The following GPC3 variants were observed in gnomAD, a reference collection of about 807,000 sequenced individuals.
GPC3 encodes the protein glypican-3.
A neutral mutation model predicts 34.4 loss-of-function variants in GPC3; 3 were observed. The observed-to-expected ratio is 0.09, with a 90% CI of 0.04 to 0.23. The LOEUF (loss-of-function observed/expected upper bound fraction) is 0.23. Among genes scored for constraint, GPC3 ranks in the 10% least tolerant of loss-of-function variants. The pLI is 1.00. For synonymous variants in GPC3, 177 were observed against 174.0 expected (o/e 1.02, Z -0.13); for missense variants, 351 against 445.6 (o/e 0.79, Z 1.91).
At chrX:133,955,459 C>G (rs2076412524) in intron 1 of GPC3, among the ~76,000 whole-genome samples, 1 of 111,103 alleles carries the variant, frequency 9.0e-6, no homozygotes, top group South Asian at 3.9e-4. Flanking sequence ...AAGTGTTTTC[C>G]CCCAATAAAT....
chrX:133,649,356 T>C (rs894040082), intron 6 of GPC3, among the ~76,000 whole-genome samples: 3 of 110,744 alleles, frequency 2.7e-5, no homozygotes, highest in Middle Eastern at 4.3e-3. Flanking sequence ...GAAGTAATCA[T>C]GCTTTAAGTG....
At chrX:133,625,189 G>A (rs187574338) in intron 6 of GPC3, among the ~76,000 whole-genome samples, 1,455 of 111,294 alleles carry the variant, frequency 0.013, 31 homozygotes, top group African/African-American at 0.044. Flanking sequence ...GCTATTGATG[G>A]CAAACCCACA....
chrX:133,642,032 A>ACCCCCCCCCCCCCCCGC (rs1308468443), intron 6 of GPC3, among the ~76,000 whole-genome samples: 1 of 107,435 alleles, frequency 9.3e-6, no homozygotes, highest in African/African-American at 3.4e-5. Flanking sequence ...TTCCCACTGC[A>ACCCCCCCCCCCCCCCGC]CCCCCACCCA....
intron 6 of GPC3, among the ~76,000 whole-genome samples, chrX:133,611,894 T>C (rs1333299939): frequency 8.9e-6 from 1 of 112,100 alleles, no homozygotes; most frequent in African/African-American, 3.3e-5. Flanking sequence ...TATGTAGTGA[T>C]ACCACAAGTT....
At position 133,666,716 on chromosome X, in the gene GPC3, A is replaced by G. The variant is rs775073966; in HGVS notation, c.1293-4866T>C. ...AATACTATGAGCACATTAATAGGGC[A>G]AAGTAGATCTGTATGTGTTGATATG... is the stretch of plus-strand genomic sequence containing the variant. On this transcript the variant is annotated intron_variant, in intron 5 of 7. Transcript: ENST00000370818. 3.6e-5 allele frequency among the ~76,000 whole-genome samples: 4 copies of G among 112,472 alleles called. No individual in the cohort carries two copies. In the South Asian group the frequency reaches 1.5e-3, roughly 42 times the overall value.
In GPC3 at chrX:133,602,623, G is replaced by A. The variant is rs184678233; in HGVS notation, c.1414-6024C>T. ...TTGGGGACCACTGTTCTATACTACT[G>A]TAGGATGAATATGGTTAATAATAAT... On this transcript the variant is annotated intron_variant, in intron 6 of 7. Coordinates refer to ENST00000370818, the MANE Select transcript of GPC3 (RefSeq NM_004484.4). 7.2e-5 allele frequency among the ~76,000 whole-genome samples: 8 copies of A among 111,643 alleles called. No homozygotes were observed. The East Asian group carries it at 2.3e-3, about 31-fold the overall frequency.
rs1451331248 is a variant in GPC3 at position 133,596,561 on chromosome X, C to T, written c.1452G>A (p.Leu484=). Residue 484 remains leucine, a synonymous_variant, in exon 7 of 8, where the codon CTG becomes CTA. Coordinates refer to ENST00000370818, the MANE Select transcript of GPC3 (RefSeq NM_004484.4). ...ACCCTTCCTCATCCAGGTTTTTATC[C>T]AGAACTCTACCTTTGGGCATAGACA... ...RTMSMPKGRV[L]DKNLDEEGFE... 2 of 1,210,631 alleles carry T rather than the reference C, an allele frequency of 1.7e-6. No individual in the cohort carries two copies. Among genetic ancestry groups the T allele is most frequent in the Admixed American group, 4.4e-5 (2 of 45,973 alleles).
At chrX:133,887,567 T>G (rs1297098304) in intron 2 of GPC3, among the ~76,000 whole-genome samples, 6 of 112,215 alleles carry the variant, frequency 5.3e-5, no homozygotes, top group Admixed American at 9.5e-5. Context: ...TCATATACTC[T>G]GGATATTAAA....
chrX:133,895,107 T>C (rs1290586014), intron 2 of GPC3, among the ~76,000 whole-genome samples: 2 of 111,877 alleles, frequency 1.8e-5, no homozygotes, highest in Non-Finnish European at 3.8e-5. Context: ...TCCCTATAGG[T>C]CTATTCCAGG....
rs144769535 is a variant in GPC3 at position 133,586,204 on chromosome X, T to C, written c.1573+10236A>G. Among the ~76,000 whole-genome samples the C allele has an allele frequency of 5.1e-3, 574 of 111,850 alleles. 4 individuals are homozygous for C. Among genetic ancestry groups the C allele is most frequent in the African/African-American group, 0.017 (536 of 30,769 alleles). ...TTCTCATCTATCACCAGATTACCTA[T>C]AGTAATTCCCTAGCCAACATTAAAG... On this transcript the variant is annotated intron_variant, in intron 7 of 7. Coordinates refer to ENST00000370818, the MANE Select transcript of GPC3 (RefSeq NM_004484.4).
intron 2 of GPC3, among the ~76,000 whole-genome samples, chrX:133,847,063 C>T (rs2075849973): frequency 9.0e-6 from 1 of 111,473 alleles, no homozygotes; most frequent in African/African-American, 3.3e-5. Flanking sequence ...GTGGATTTAT[C>T]CAATCAAATT....
intron 6 of GPC3, among the ~76,000 whole-genome samples, chrX:133,644,288 T>G (rs899014466): frequency 5.4e-5 from 6 of 111,599 alleles, no homozygotes; most frequent in Non-Finnish European, 9.4e-5. Flanking sequence ...CTAATGGCTC[T>G]CATTTCTTCA....
intron 6 of GPC3, among the ~76,000 whole-genome samples, chrX:133,620,272 C>T (rs2124357126): frequency 9.2e-6 from 1 of 109,093 alleles, no homozygotes; most frequent in East Asian, 2.9e-4. Flanking sequence ...CTTGGTATCC[C>T]CTCCTGTGAA....
chrX:133,611,618 C>T (rs950235209), intron 6 of GPC3, among the ~76,000 whole-genome samples: 1 of 111,906 alleles, frequency 8.9e-6, no homozygotes, highest in African/African-American at 3.2e-5. Context: ...TTTTGTTTCC[C>T]AGTCTCTTAT....
intron 2 of GPC3, among the ~76,000 whole-genome samples, chrX:133,856,826 T>A (rs2095277349): frequency 8.9e-6 from 1 of 112,078 alleles, no homozygotes; most frequent in African/African-American, 3.2e-5. Context: ...TAAATGAGTC[T>A]GTTGTACTGC....
chrX:133,903,532 T>C (rs1215505167), intron 2 of GPC3, among the ~76,000 whole-genome samples: 1 of 111,990 alleles, frequency 8.9e-6, no homozygotes, highest in Non-Finnish European at 1.9e-5. Flanking sequence ...GAAGTGGCAG[T>C]CAGCCAAGAC....
chrX:133,661,594 CTCTCTCTCTCTCTCTCTCTCTCTCT>C (rs2070720999), intron 6 of GPC3, 111 bp downstream of exon 6: 1 of 22,392 alleles, frequency 4.5e-5, no homozygotes, highest in African/African-American at 2.7e-4. Context: ...CTCTCTCTCT[CTCTCTCTCTCTCTCTCTCTCTCTCT>C]CTCTCTCTCT....
At chrX:133,749,801 T>A (rs779345243) in intron 3 of GPC3, among the ~76,000 whole-genome samples, 2 of 111,437 alleles carry the variant, frequency 1.8e-5, no homozygotes, top group South Asian at 3.8e-4. Context: ...TACTGGAGAA[T>A]CTCATTAAAG....
chrX:133,894,255 A>G (rs2076101675), intron 2 of GPC3, among the ~76,000 whole-genome samples: 1 of 112,087 alleles, frequency 8.9e-6, no homozygotes. Context: ...GGTATAAGTG[A>G]GACAGGCACA....
Sources: gnomAD v4.1 joint callset for allele counts (sites outside exome capture counted in the v4.1 genomes callset) on GRCh38, gnomAD v4.1.1 for gene constraint, MANE v1.5 for transcripts, NCBI Gene and HGNC (gene_info 2026-07-23, HGNC 2026-07-21) for gene names.